Variants in NSMCE2 observed in about 807,000 individuals in gnomAD.
NSMCE2 encodes the protein NSE2 SUMO ligase component of SMC5/6 complex, also known as E3 SUMO-protein ligase NSE2.
NSMCE2 carries 24 observed loss-of-function variants against 23.8 expected under a neutral mutation model. That is an observed-to-expected ratio of 1.01 (90% confidence interval 0.73 to 1.42). The LOEUF is 1.42. NSMCE2 is among the 40% of genes most tolerant of loss of function. The probability of loss-of-function intolerance (pLI) is 0.00; values close to 1 mark genes in which losing one functional copy is unlikely to be tolerated. For missense variants in NSMCE2, 284 were observed against 296.5 expected, an observed-to-expected ratio of 0.96 and a Z score of 0.31; for synonymous variants, 92 against 94.1, an observed-to-expected ratio of 0.98 and a Z score of 0.13.
rs533625437 is a variant in NSMCE2 at position 125,299,302 on chromosome 8, A to G, written c.419-57917A>G. 9.8e-5 allele frequency among the ~76,000 whole-genome samples: 15 copies of G among 152,320 alleles called. No homozygotes were observed. In the East Asian group the frequency reaches 1.5e-3, roughly 16 times the overall value. On this transcript the variant is annotated intron_variant, in intron 5 of 7. Coordinates refer to ENST00000287437, the MANE Select transcript of NSMCE2 (RefSeq NM_173685.4). ...GTTTTTAAAAAGAAAGGAGCACTCT[A>G]TTCGTTTCTTTTCACACTGCTATAA...
intron 4 of NSMCE2, among the ~76,000 whole-genome samples, chr8:125,160,990 T>A (rs909541666): frequency 3.0e-4 from 45 of 152,214 alleles, no homozygotes; most frequent in African/African-American, 1.1e-3. Flanking sequence ...AAGTGTGTAA[T>A]CTCTATACAT....
chr8:125,171,122 A>G (rs923449658), intron 4 of NSMCE2, among the ~76,000 whole-genome samples: 4 of 152,042 alleles, frequency 2.6e-5, no homozygotes, highest in Admixed American at 2.6e-4. Flanking sequence ...TCGTCTTTTC[A>G]TTGAAGCCTG....
chr8:125,147,287 T>C (rs1036942145), intron 3 of NSMCE2, among the ~76,000 whole-genome samples: 22 of 152,240 alleles, frequency 1.4e-4, no homozygotes, highest in African/African-American at 5.3e-4. Flanking sequence ...ATCTCTTTGA[T>C]AGGACAATTT....
At chr8:125,214,190 A>G (rs1358588437) in intron 5 of NSMCE2, among the ~76,000 whole-genome samples, 2 of 152,332 alleles carry the variant, frequency 1.3e-5, no homozygotes, top group East Asian at 3.9e-4. Context: ...CCAGGTTGGT[A>G]GGCAAAATTA....
rs60368750 is a variant in NSMCE2 at position 125,347,752 on chromosome 8, G to A, written c.419-9467G>A. On this transcript the variant is annotated intron_variant, in intron 5 of 7. Transcript: ENST00000287437. The stretch of plus-strand genomic sequence containing the variant: ...ATTTCAATGAAAGGAGATTGGCTAT[G>A]GAGATTGTGTTGGGTGGATTGAGTT... 6.1e-3 allele frequency among the ~76,000 whole-genome samples: 923 copies of A among 152,308 alleles called. 8 individuals are homozygous for A. Among genetic ancestry groups the A allele is most frequent in the African/African-American group, 0.022 (897 of 41,560 alleles).
At chr8:125,145,316 A>G (rs570235804) in intron 3 of NSMCE2, among the ~76,000 whole-genome samples, 8 of 152,160 alleles carry the variant, frequency 5.3e-5, no homozygotes, top group Non-Finnish European at 1.2e-4. Flanking sequence ...GCATACTTAC[A>G]GAAACAGCTA....
intron 7 of NSMCE2, among the ~76,000 whole-genome samples, chr8:125,361,721 C>A (rs1240647610): frequency 6.6e-6 from 1 of 152,166 alleles, no homozygotes. Context: ...AAACAAATAG[C>A]TGTAGGGTTG....
chr8:125,272,568 A>G (rs1035485866), intron 5 of NSMCE2, among the ~76,000 whole-genome samples: 1 of 151,628 alleles, frequency 6.6e-6, no homozygotes, highest in Non-Finnish European at 1.5e-5. Flanking sequence ...CATTTCCGCT[A>G]ACAGACCAGT....
intron 4 of NSMCE2, among the ~76,000 whole-genome samples, chr8:125,153,566 G>T (rs1009053699): frequency 6.6e-6 from 1 of 152,164 alleles, no homozygotes; most frequent in Non-Finnish European, 1.5e-5. Context: ...CAGCTTGGGA[G>T]GGGCCGGGAT....
intron 5 of NSMCE2, among the ~76,000 whole-genome samples, chr8:125,192,626 C>T (rs1823407936): frequency 6.6e-6 from 1 of 152,178 alleles, no homozygotes; most frequent in South Asian, 2.1e-4. Context: ...TACAATTTTA[C>T]ACATTCAAAT....
At chr8:125,344,824 T>C (rs1481204463) in intron 5 of NSMCE2, among the ~76,000 whole-genome samples, 1 of 152,048 alleles carries the variant, frequency 6.6e-6, no homozygotes, top group Non-Finnish European at 1.5e-5. Flanking sequence ...AATGTAAGCA[T>C]TTCCTCATGT....
At chr8:125,109,965 T>G (rs1166460123) in intron 3 of NSMCE2, among the ~76,000 whole-genome samples, 1 of 152,190 alleles carries the variant, frequency 6.6e-6, no homozygotes, top group Admixed American at 6.5e-5. Context: ...TTTTTGAGTT[T>G]ATTATGTACT....
intron 5 of NSMCE2, among the ~76,000 whole-genome samples, chr8:125,285,705 A>G (rs898824289): frequency 1.3e-5 from 2 of 152,128 alleles, no homozygotes; most frequent in South Asian, 4.1e-4. Flanking sequence ...CCAATATAAT[A>G]GCTAGCATTT....
chr8:125,301,586 G>A (rs772943156), intron 5 of NSMCE2, among the ~76,000 whole-genome samples: 7 of 151,874 alleles, frequency 4.6e-5, no homozygotes, highest in South Asian at 2.1e-4. Context: ...ACCCAGGCAC[G>A]GTGTCAGGAC....
At chr8:125,161,218 C>G (rs1011675058) in intron 4 of NSMCE2, among the ~76,000 whole-genome samples, 1 of 151,306 alleles carries the variant, frequency 6.6e-6, no homozygotes, top group African/African-American at 2.4e-5. Flanking sequence ...AATGGTGGCA[C>G]TTTCCTTCTT....
At position 125,278,649 on chromosome 8, in the gene NSMCE2, G is replaced by A. The variant is rs938494899; in HGVS notation, c.419-78570G>A. Among the ~76,000 whole-genome samples the A allele has an allele frequency of 2.0e-5, 3 of 152,138 alleles. No individual in the cohort carries two copies. The South Asian group carries it at 6.2e-4, about 31-fold the overall frequency. On this transcript the variant is annotated intron_variant, in intron 5 of 7. Transcript: ENST00000287437. ...AGTGTTGAATGTTTAAAGTCAAGTA[G>A]ATTTTTGGTATGCTTTTGCTTTGGT...
At chr8:125,120,530 A>G (rs903285385) in intron 3 of NSMCE2, among the ~76,000 whole-genome samples, 2 of 152,208 alleles carry the variant, frequency 1.3e-5, no homozygotes, top group East Asian at 1.9e-4. Flanking sequence ...CCACATCTAC[A>G]GTACTTTCAT....
intron 5 of NSMCE2, 109 bp from the exon 6 acceptor site, chr8:125,357,110 G>T: frequency 1.5e-6 from 1 of 688,586 alleles, no homozygotes; most frequent in Non-Finnish European, 2.6e-6. Flanking sequence ...CTTACATGGG[G>T]GCCAACAGCA....
chr8:125,297,884 G>A (rs1355825529), intron 5 of NSMCE2, among the ~76,000 whole-genome samples: 5 of 152,174 alleles, frequency 3.3e-5, no homozygotes, highest in African/African-American at 1.2e-4. Context: ...ATTATGAAAT[G>A]TATCAGAAAA....
Sources: gnomAD v4.1 joint callset for allele counts (sites outside exome capture counted in the v4.1 genomes callset) on GRCh38, gnomAD v4.1.1 for gene constraint, MANE v1.5 for transcripts, NCBI Gene and HGNC (gene_info 2026-07-23, HGNC 2026-07-21) for gene names.